Variants in MMP11 observed in about 807,000 individuals in gnomAD.
MMP11 encodes matrix metallopeptidase 11.
MMP11 carries 26 observed loss-of-function variants against 49.5 expected under a neutral mutation model. That is an observed-to-expected ratio of 0.52 (90% CI 0.38 to 0.73). The LOEUF is 0.73. Ranked by LOEUF, MMP11 falls within the 30% of genes least tolerant of loss-of-function variation. The pLI is 0.00. For synonymous variants in MMP11, 265 were observed against 282.3 expected (o/e 0.94, Z 0.62); for missense variants, 624 against 671.2 (o/e 0.93, Z 0.78).
chr22:23,774,907 G>A (rs28363624), intron 1 of MMP11, among the ~76,000 whole-genome samples: 7 of 152,162 alleles, frequency 4.6e-5, no homozygotes, highest in African/African-American at 1.7e-4. Flanking sequence ...TGACCCCAGG[G>A]CGGGGTTGAC....
rs555940894 is a variant in MMP11, at chr22:23,774,074, A to G, written c.108+1096A>G. On this transcript the variant is annotated intron_variant, in intron 1 of 7. Coordinates refer to ENST00000215743, the MANE Select transcript of MMP11 (RefSeq NM_005940.5). ...GGTTCCTAGGACTTGGGACAGAGTC[A>G]GGAATCACTGTGGGTAGACATTGAA... Among the ~76,000 whole-genome samples the G allele has an allele frequency of 3.3e-5, 5 of 152,356 alleles. No homozygotes were observed. In the South Asian group the frequency reaches 1.0e-3, roughly 32 times the overall value.
At chr22:23,777,143 C>T (rs1409226173) in intron 1 of MMP11, among the ~76,000 whole-genome samples, 1 of 137,298 alleles carries the variant, frequency 7.3e-6, no homozygotes, top group East Asian at 2.4e-4. Context: ...TAAGCCCAGG[C>T]CGGGCGCGGT....
At chr22:23,778,925 G>GC (rs1372630614) in intron 1 of MMP11, among the ~76,000 whole-genome samples, 2 of 152,320 alleles carry the variant, frequency 1.3e-5, no homozygotes, top group East Asian at 3.9e-4. Flanking sequence ...ATTGGCCTAA[G>GC]TAGCTGGAGT....
Position 23,780,621 on chromosome 22 carries a change from G to A in MMP11, c.522G>A (p.Gly174=). 6.3e-7 allele frequency: 1 copy of A among 1,594,832 alleles called. No individual in the cohort carries two copies. The change falls in exon 4 of 8, where the codon GGG becomes GGA. Residue 174 remains glycine (G), a synonymous_variant. Transcript: ENST00000215743. The surrounding 1 kb of genome is among the most constrained non-coding windows in gnomAD (Gnocchi z 4.6). ...HGDDLPFDGP[G]GILAHAFFPK... is the part of the protein sequence containing the mutation. ...ACGACCTGCCGTTTGATGGGCCTGGGGGCATCCTGGCCCATGCCTTCTTCC... is the reference window on the plus strand; with the variant it reads ...ACGACCTGCCGTTTGATGGGCCTGGAGGCATCCTGGCCCATGCCTTCTTCC...
chr22:23,783,072 C>A (rs1483576046), intron 7 of MMP11, among the ~76,000 whole-genome samples: 1 of 152,148 alleles, frequency 6.6e-6, no homozygotes, highest in Non-Finnish European at 1.5e-5. Flanking sequence ...CCGTCAATAG[C>A]CTGGCTAATT....
At position 23,780,354 on chromosome 22, in the gene MMP11, T is replaced by C; in HGVS notation, c.339-5T>C. The C allele has an allele frequency of 1.2e-6, 2 of 1,612,498 alleles. No individual in the cohort carries two copies. The highest frequency in any genetic ancestry group is 1.3e-5 in the African/African-American group (1 of 74,982). On this transcript the variant is annotated splice_region_variant and splice_polypyrimidine_tract_variant and intron_variant, in intron 2 of 7. Coordinates refer to ENST00000215743, the MANE Select transcript of MMP11 (RefSeq NM_005940.5). The surrounding 1 kb of genome is among the most constrained non-coding windows in gnomAD (Gnocchi z 4.6). The stretch of plus-strand genomic sequence containing the variant: ...TGAGGCCCAGGCCCCTCCATCTCCC[T>C]CCAGGATCCTTCGGTTCCCATGGCA...
rs1927541048 is a variant in MMP11, at chr22:23,779,545, T to C, written c.338+129T>C. On this transcript the variant is annotated intron_variant, in intron 2 of 7. Coordinates refer to ENST00000215743, the MANE Select transcript of MMP11 (RefSeq NM_005940.5). ...GTGTCTAACAGACCTGTGTGTCCACTGAACCCCAGGGAGGTCATCTATGGG... is the reference window on the plus strand; with the variant it reads ...GTGTCTAACAGACCTGTGTGTCCACCGAACCCCAGGGAGGTCATCTATGGG... The C allele has an allele frequency of 3.8e-5, 32 of 839,632 alleles. No homozygotes were observed. In the South Asian group the frequency reaches 5.1e-4, roughly 13 times the overall value. 52.0% of individuals were successfully genotyped at this position (839,632 alleles called of 1,614,324 possible). A position where few individuals can be genotyped will look rare whatever the true frequency, so the allele number is the denominator to read the frequency against.
At chr22:23,777,857 G>C (rs1429330038) in intron 1 of MMP11, 1 of 152,288 alleles carries the variant, frequency 6.6e-6, no homozygotes, top group African/African-American at 2.4e-5. Flanking sequence ...CTGCTTCAGG[G>C]CCTCACGCCC....
intron 1 of MMP11, among the ~76,000 whole-genome samples, chr22:23,774,651 CCT>C (rs1408342676): frequency 6.6e-6 from 1 of 152,146 alleles, no homozygotes. Context: ...GGTTGCTTGA[CCT>C]CTCTGAGCCT....
rs1048709829 is a variant in MMP11 at position 23,772,879 on chromosome 22, G to A, written c.9G>A (p.Pro3=). 2.6e-6 allele frequency: 3 copies of A among 1,159,510 alleles called. No individual in the cohort carries two copies. The highest frequency in any genetic ancestry group is 4.2e-5 in the South Asian group (1 of 23,724). 71.8% of individuals were successfully genotyped at this position (1,159,510 alleles called of 1,614,324 possible). ...CAGCAGCCCCGGGGCGGATGGCTCC[G>A]GCCGCCTGGCTCCGCAGCGCGGCCG... is the stretch of plus-strand genomic sequence containing the variant. The part of the protein sequence containing the change: MA[P]AAWLRSAAAR... The change falls in exon 1 of 8, where the codon CCG becomes CCA. Residue 3 remains proline, a synonymous_variant. Coordinates refer to ENST00000215743, the MANE Select transcript of MMP11 (RefSeq NM_005940.5).
chr22:23,781,711 G>A (rs1385646059), intron 6 of MMP11: 8 of 653,288 alleles, frequency 1.2e-5, no homozygotes, highest in African/African-American at 3.6e-5. Flanking sequence ...CTGGGGCCCC[G>A]AGGCAGTGAA....
intron 7 of MMP11, 70 bp downstream of exon 7, chr22:23,782,553 G>A: frequency 6.6e-7 from 1 of 1,506,498 alleles, no homozygotes. Context: ...GTGGTGGCTG[G>A]GCTCCCACAT....
intron 1 of MMP11, among the ~76,000 whole-genome samples, chr22:23,776,765 G>A (rs566671423): frequency 1.6e-4 from 25 of 151,946 alleles, no homozygotes; most frequent in African/African-American, 5.8e-4. Flanking sequence ...GAGCAAGTCT[G>A]TGGAGCTGTT....
intron 7 of MMP11, 135 bp from the exon 8 acceptor site, chr22:23,783,276 G>A: frequency 9.6e-7 from 1 of 1,044,052 alleles, no homozygotes; most frequent in South Asian, 1.5e-5. Flanking sequence ...GGATCCTGCA[G>A]GACTCGAGGA....
chr22:23,777,126 T>C (rs1283858694), intron 1 of MMP11, among the ~76,000 whole-genome samples: 1 of 139,462 alleles, frequency 7.2e-6, no homozygotes, highest in Non-Finnish European at 1.6e-5. Flanking sequence ...TAAGTACTTA[T>C]TAACAATAAG....
At chr22:23,782,590 A>C (rs1601376361) in intron 7 of MMP11, 107 bp downstream of exon 7, 1 of 1,365,532 alleles carries the variant, frequency 7.3e-7, no homozygotes, top group East Asian at 2.5e-5. Flanking sequence ...CTGGCTCTTC[A>C]TCACAGGTCC....
rs754277607 is a variant in MMP11 at position 23,780,688 on chromosome 22, G to A, written c.589G>A (p.Glu197Lys). 1 of 1,571,456 alleles carries A rather than the reference G, an allele frequency of 6.4e-7. No individual in the cohort carries two copies. The highest frequency in any genetic ancestry group is 2.2e-5 in the East Asian group (1 of 44,646). The change falls in exon 4 of 8, where the codon GAG becomes AAG. Residue 197 changes from glutamate to lysine, a missense_variant. Transcript: ENST00000215743. This position sits in a 1 kb window ranked among gnomAD's most constrained non-coding sequence, Gnocchi z 4.6. ...AGGGGATGTCCACTTCGACTATGATGAGACCTGGACTATCGGGGATGACCA... is the reference window on the plus strand; with the variant it reads ...AGGGGATGTCCACTTCGACTATGATAAGACCTGGACTATCGGGGATGACCA... ...REGDVHFDYDETWTIGDDQGT... is the reference protein window; with the variant it reads ...REGDVHFDYDKTWTIGDDQGT...
In MMP11 at chr22:23,779,195, C is replaced by T. The variant is rs2145940369; in HGVS notation, c.117C>T (p.His39=). 1 of 1,596,282 alleles carries T rather than the reference C, an allele frequency of 6.3e-7. No homozygotes were observed. The highest frequency in any genetic ancestry group is 2.3e-5 in the East Asian group (1 of 44,252). The change falls in exon 2 of 8, where the codon CAC becomes CAT. Residue 39 remains histidine (H), a synonymous_variant. Transcript: ENST00000215743. ...LLARALPPDA[H]HLHAERRGPQ... ...GTCATCCTCCTGCCTAGGACGCCCACCACCTCCATGCCGAGAGGAGGGGGC... is the reference window on the plus strand; with the variant it reads ...GTCATCCTCCTGCCTAGGACGCCCATCACCTCCATGCCGAGAGGAGGGGGC...
In MMP11 at chr22:23,780,790, A is replaced by C. The variant is rs542758836; in HGVS notation, c.617-69A>C. The stretch of plus-strand genomic sequence containing the variant: ...GAATGGGGACTCGCCAAGGTCACTG[A>C]GCTGGGGTCTGGAGCTGGATGTCCT... On this transcript the variant is annotated intron_variant, in intron 4 of 7. Coordinates refer to ENST00000215743, the MANE Select transcript of MMP11 (RefSeq NM_005940.5). The surrounding 1 kb of genome is among the most constrained non-coding windows in gnomAD (Gnocchi z 4.6). 62 of 1,571,052 alleles carry C rather than the reference A, an allele frequency of 3.9e-5. No homozygotes were observed. Among genetic ancestry groups the C allele is most frequent in the Non-Finnish European group, 1.1e-5 (13 of 1,158,920 alleles).
Sources: allele counts gnomAD v4.1 joint callset (sites outside exome capture counted in the v4.1 genomes callset), GRCh38; gene constraint gnomAD v4.1.1; non-coding constraint Gnocchi (gnomAD v3.1); transcripts MANE v1.5; gene names NCBI Gene and HGNC (gene_info 2026-07-23, HGNC 2026-07-21).